Variants in WWOX observed in about 807,000 individuals in gnomAD.
The protein encoded by WWOX is WW domain containing oxidoreductase.
Under a neutral mutation model 46.2 loss-of-function variants are expected in WWOX, and 69 were observed. The ratio of observed to expected loss-of-function variants is 1.49; its 90% CI spans 1.23 to 1.82. The LOEUF (loss-of-function observed/expected upper bound fraction) is 1.82. Ranked by LOEUF, WWOX falls within the 40% of genes most tolerant of loss-of-function variation. The probability of loss-of-function intolerance (pLI) is 0.00; values close to 1 mark genes in which losing one functional copy is unlikely to be tolerated. For synonymous variants in WWOX, 359 were observed against 202.6 expected (o/e 1.77, Z -6.56); for missense variants, 919 against 542.6 (o/e 1.69, Z -6.89).
chr16:79,019,157 C>CAAAAAAAAAAAA (rs903333994), intron 8 of WWOX, among the ~76,000 whole-genome samples: 32 of 24,552 alleles, frequency 1.3e-3, no homozygotes, highest in Non-Finnish European at 2.0e-3. Context: ...GACCTTGTCT[C>CAAAAAAAAAAAA]AAAAAAAAAA....
At chr16:78,327,279 G>A (rs952764943) in intron 5 of WWOX, among the ~76,000 whole-genome samples, 3 of 152,148 alleles carry the variant, frequency 2.0e-5, no homozygotes, top group Non-Finnish European at 4.4e-5. Context: ...TGACAGGCTG[G>A]CTTGATTTCT....
intron 4 of WWOX, among the ~76,000 whole-genome samples, chr16:78,134,597 T>C (rs1273175074): frequency 6.6e-6 from 1 of 152,192 alleles, no homozygotes; most frequent in Non-Finnish European, 1.5e-5. Context: ...GCCATTATAG[T>C]ATTTAAGCTC....
intron 8 of WWOX, among the ~76,000 whole-genome samples, chr16:78,695,708 A>G (rs556825445): frequency 6.6e-6 from 1 of 152,354 alleles, no homozygotes; most frequent in South Asian, 2.1e-4. Context: ...GGAATGAAGG[A>G]TCAAGTTGTC....
chr16:78,699,041 G>C (rs1392329277), intron 8 of WWOX, among the ~76,000 whole-genome samples: 1 of 152,242 alleles, frequency 6.6e-6, no homozygotes, highest in East Asian at 1.9e-4. Context: ...AGTGTTTCTA[G>C]CTTTGCAGTT....
intron 8 of WWOX, among the ~76,000 whole-genome samples, chr16:78,537,546 T>C (rs536862917): frequency 6.6e-6 from 1 of 152,312 alleles, no homozygotes; most frequent in Non-Finnish European, 1.5e-5. Context: ...ATAATCCGAT[T>C]GGTCATGCTG....
Position 78,482,451 on chromosome 16 carries a change from C to T in WWOX, c.1056+49699C>T, listed in dbSNP as rs537545550. Among the ~76,000 whole-genome samples, 176 of 152,264 alleles carry T rather than the reference C, an allele frequency of 1.2e-3. 1 individual carries two copies. Among genetic ancestry groups the T allele is most frequent in the African/African-American group, 4.0e-3 (167 of 41,558 alleles). On this transcript the variant is annotated intron_variant, in intron 8 of 8. Coordinates refer to ENST00000566780, the MANE Select transcript of WWOX (RefSeq NM_016373.4). ...TTAGCCATGCTGGCCTCGAACTCCT[C>T]ACTTCAGGTGATCTGACTGCCTTGG...
intron 8 of WWOX, among the ~76,000 whole-genome samples, chr16:78,875,602 GGTGA>G (rs1241110280): frequency 6.6e-6 from 1 of 152,112 alleles, no homozygotes; most frequent in Admixed American, 6.5e-5. Flanking sequence ...CTTATCTCAA[GGTGA>G]GTATCGTCAG....
At chr16:79,083,699 C>T (rs8043873) in intron 8 of WWOX, among the ~76,000 whole-genome samples, 14 of 152,122 alleles carry the variant, frequency 9.2e-5, no homozygotes, top group African/African-American at 1.9e-4. Context: ...TACGGTAAAC[C>T]GATCACTAAC....
At chr16:78,742,624 C>A (rs552448391) in intron 8 of WWOX, among the ~76,000 whole-genome samples, 1 of 152,306 alleles carries the variant, frequency 6.6e-6, no homozygotes, top group African/African-American at 2.4e-5. Flanking sequence ...TCCAGCTTTG[C>A]CCTGGCTGCG....
intron 5 of WWOX, among the ~76,000 whole-genome samples, chr16:78,186,252 T>C (rs1164994645): frequency 6.6e-6 from 1 of 152,074 alleles, no homozygotes; most frequent in Non-Finnish European, 1.5e-5. Context: ...TTTTTTTTTT[T>C]TGACACGGCT....
At chr16:78,605,759 G>A (rs1275536720) in intron 8 of WWOX, among the ~76,000 whole-genome samples, 1 of 152,194 alleles carries the variant, frequency 6.6e-6, no homozygotes, top group African/African-American at 2.4e-5. Flanking sequence ...TCATGGAAAG[G>A]ATAGGAAGAA....
intron 8 of WWOX, among the ~76,000 whole-genome samples, chr16:78,684,274 C>A (rs963132403): frequency 6.6e-6 from 1 of 152,124 alleles, no homozygotes; most frequent in South Asian, 2.1e-4. Context: ...ATTGGACCTG[C>A]GGTCTGTCCA....
intron 8 of WWOX, among the ~76,000 whole-genome samples, chr16:79,195,176 T>C (rs562018813): frequency 6.6e-6 from 1 of 152,234 alleles, no homozygotes; most frequent in East Asian, 1.9e-4. Flanking sequence ...TTGTTTGTTG[T>C]AGGTTGGGTA....
intron 8 of WWOX, among the ~76,000 whole-genome samples, chr16:78,794,962 C>G (rs1308660226): frequency 6.6e-6 from 1 of 152,190 alleles, no homozygotes; most frequent in Non-Finnish European, 1.5e-5. Flanking sequence ...TTAATGTTAT[C>G]ATCATCACGT....
intron 8 of WWOX, among the ~76,000 whole-genome samples, chr16:78,968,815 A>T (rs749555109): frequency 1.3e-5 from 2 of 152,114 alleles, no homozygotes. Context: ...ATTATGTTCA[A>T]TTGGATTGGA....
At chr16:79,022,196 G>C (rs887905421) in intron 8 of WWOX, among the ~76,000 whole-genome samples, 2 of 152,194 alleles carry the variant, frequency 1.3e-5, no homozygotes, top group African/African-American at 4.8e-5. Flanking sequence ...GAGTTGCAAA[G>C]ACTGGGGATG....
chr16:78,313,073 C>T (rs2080280317), intron 5 of WWOX, among the ~76,000 whole-genome samples: 1 of 152,186 alleles, frequency 6.6e-6, no homozygotes, highest in Non-Finnish European at 1.5e-5. Flanking sequence ...ACTTCTTTTT[C>T]AACATCTGAG....
intron 8 of WWOX, among the ~76,000 whole-genome samples, chr16:78,679,480 G>C (rs1308327347): frequency 6.6e-6 from 1 of 152,138 alleles, no homozygotes. Context: ...GATCCCGGGG[G>C]GCAGAGGTTG....
chr16:78,354,572 T>C (rs908539140), intron 5 of WWOX, among the ~76,000 whole-genome samples: 3 of 152,184 alleles, frequency 2.0e-5, no homozygotes, highest in Non-Finnish European at 4.4e-5. Context: ...CTTAGAAATA[T>C]CCAGCAAGCC....
Sources: allele counts gnomAD v4.1 joint callset (sites outside exome capture counted in the v4.1 genomes callset), GRCh38; gene constraint gnomAD v4.1.1; transcripts MANE v1.5; gene names NCBI Gene and HGNC (gene_info 2026-07-23, HGNC 2026-07-21).